UTP18: variants seen among roughly 807,000 people sequenced by gnomAD.
The protein encoded by UTP18 is U3 small nucleolar RNA-associated protein 18 homolog.
Under a neutral mutation model 61.1 loss-of-function variants are expected in UTP18, and 36 were observed. That is an observed-to-expected ratio of 0.59 (90% CI 0.45 to 0.78). The LOEUF is 0.78. Among genes scored for constraint, UTP18 ranks in the 30% least tolerant of loss-of-function variants. The probability of loss-of-function intolerance (pLI) is 0.00; values close to 1 mark genes in which losing one functional copy is unlikely to be tolerated. For missense variants in UTP18, 753 were observed against 693.9 expected (o/e 1.09, Z -0.96); for synonymous variants, 282 against 251.1 (o/e 1.12, Z -1.16).
Position 51,266,261 on chromosome 17 carries a change from A to G in UTP18, c.535A>G (p.Lys179Glu). ...SESKLSKDNL[K>E]KRLKEEFQHA... Reference sequence around the variant, plus strand: ...AAGTAAACTTTCGAAAGACAACCTTAAAAAGAGACTTAAAGAAGAGTAAGT... The same window carrying G: ...AAGTAAACTTTCGAAAGACAACCTTGAAAAGAGACTTAAAGAAGAGTAAGT... The change falls in exon 3 of 14, where the codon AAA becomes GAA. Residue 179 changes from lysine (K) to glutamate (E), a missense_variant. By Grantham distance (56) the Lys-to-Glu change is moderately conservative. Transcript: ENST00000225298. 1 of 1,599,444 alleles carries G rather than the reference A, an allele frequency of 6.3e-7. No homozygotes were observed. Among genetic ancestry groups the G allele is most frequent in the African/African-American group, 1.3e-5 (1 of 74,150 alleles).
chr17:51,285,932 T>C (rs2144434863), intron 10 of UTP18, among the ~76,000 whole-genome samples: 1 of 152,338 alleles, frequency 6.6e-6, no homozygotes, highest in Middle Eastern at 3.4e-3. Flanking sequence ...CTTATATCAT[T>C]GTATTTTTTC....
intron 6 of UTP18, 121 bp downstream of exon 6, chr17:51,276,112 G>A (rs1035647888): frequency 2.0e-6 from 2 of 1,012,816 alleles, no homozygotes; most frequent in East Asian, 3.0e-5. Flanking sequence ...ATCATAGCCC[G>A]AAGCATAGCT....
chr17:51,286,982 C>CT (rs1555556362), intron 10 of UTP18, among the ~76,000 whole-genome samples: 1 of 145,184 alleles, frequency 6.9e-6, no homozygotes, highest in Non-Finnish European at 1.5e-5. Flanking sequence ...CCCCCTTCCC[C>CT]CCCCGACCCA....
chr17:51,271,909 C>T (rs910329284), intron 4 of UTP18, among the ~76,000 whole-genome samples: 2 of 152,056 alleles, frequency 1.3e-5, no homozygotes, highest in African/African-American at 4.8e-5. Context: ...CTCAAGTGAT[C>T]CACTTGCCTC....
intron 5 of UTP18, among the ~76,000 whole-genome samples, chr17:51,274,280 A>G (rs1367612470): frequency 2.0e-5 from 3 of 152,194 alleles, no homozygotes; most frequent in African/African-American, 7.2e-5. Flanking sequence ...GGTCTACACT[A>G]TTCACTTTCT....
At chr17:51,269,406 G>A (rs1904434890) in intron 4 of UTP18, among the ~76,000 whole-genome samples, 1 of 149,618 alleles carries the variant, frequency 6.7e-6, no homozygotes, top group African/African-American at 2.5e-5. Flanking sequence ...GATCTTTTGA[G>A]TTTAGCTATT....
chr17:51,296,734 G>GA, intron 12 of UTP18: 1 of 459,242 alleles, frequency 2.2e-6, no homozygotes, highest in Non-Finnish European at 3.8e-6. Flanking sequence ...GTATTTCATA[G>GA]ACCCCCCATG....
chr17:51,260,955 G>C, intron 1 of UTP18, 29 bp downstream of exon 1: 7 of 1,467,986 alleles, frequency 4.8e-6, no homozygotes. Context: ...CGCGGGCTGG[G>C]CGCACTCGGG....
chr17:51,289,797 A>G (rs534198213), intron 11 of UTP18, among the ~76,000 whole-genome samples: 26 of 152,360 alleles, frequency 1.7e-4, no homozygotes, highest in Non-Finnish European at 2.9e-4. Flanking sequence ...TGCATCTGCC[A>G]TCAGCTTTGT....
At chr17:51,287,099 A>T (rs560686788) in intron 10 of UTP18, among the ~76,000 whole-genome samples, 2 of 151,046 alleles carry the variant, frequency 1.3e-5, no homozygotes, top group African/African-American at 4.8e-5. Context: ...AATGATCTTC[A>T]CTCAGATTTG....
In UTP18 at chr17:51,260,763, C is replaced by T; in HGVS notation, c.179C>T (p.Ala60Val). ...PPARPSAAAA[A>V]IAVAAAEEER... ...GCCCGGCCGAGCGCGGCGGCCGCTG[C>T]GATTGCAGTCGCGGCGGCGGAGGAA... Residue 60 changes from alanine to valine, a missense_variant, in exon 1 of 14, where the codon GCG becomes GTG. By Grantham distance (64) the Ala-to-Val change is moderately conservative. Coordinates refer to ENST00000225298, the MANE Select transcript of UTP18 (RefSeq NM_016001.3). The T allele has an allele frequency of 6.3e-7, 1 of 1,580,940 alleles. No homozygotes were observed. Among genetic ancestry groups the T allele is most frequent in the Non-Finnish European group, 8.6e-7 (1 of 1,164,594 alleles).
At chr17:51,288,283 G>C (rs534011573) in intron 11 of UTP18, 80 bp downstream of exon 11, 7 of 1,334,522 alleles carry the variant, frequency 5.2e-6, no homozygotes, top group East Asian at 2.5e-5. Flanking sequence ...GGAAAGGAGA[G>C]CGTTGAATTA....
At chr17:51,266,724 AAG>A (rs1402361324) in intron 3 of UTP18, among the ~76,000 whole-genome samples, 1 of 152,210 alleles carries the variant, frequency 6.6e-6, no homozygotes. Context: ...TGCATCTCTT[AAG>A]ATTAAGGATG....
chr17:51,283,772 G>A (rs1905026890), intron 9 of UTP18, among the ~76,000 whole-genome samples: 2 of 151,916 alleles, frequency 1.3e-5, no homozygotes, highest in South Asian at 2.1e-4. Context: ...GTGCCACCAC[G>A]CCCAGCTAAT....
intron 1 of UTP18, 101 bp downstream of exon 1, chr17:51,261,027 G>A: frequency 8.8e-7 from 1 of 1,133,624 alleles, no homozygotes; most frequent in East Asian, 3.4e-5. Context: ...GCGGCGGCGG[G>A]GAGCGCTCAG....
At chr17:51,274,216 C>G (rs980323948) in intron 5 of UTP18, among the ~76,000 whole-genome samples, 2 of 152,158 alleles carry the variant, frequency 1.3e-5, no homozygotes, top group Admixed American at 6.5e-5. Context: ...TAATGGCTAG[C>G]TCATTCTTAC....
At chr17:51,281,703 T>TA (rs1196385059) in intron 9 of UTP18, among the ~76,000 whole-genome samples, 2 of 152,284 alleles carry the variant, frequency 1.3e-5, no homozygotes, top group East Asian at 3.9e-4. Context: ...GTCCTGTAGT[T>TA]ATGCAAAATG....
At position 51,288,149 on chromosome 17, in the gene UTP18, T is replaced by A. The variant is rs546735933; in HGVS notation, c.1449T>A (p.Pro483=). Residue 483 remains proline (P), a synonymous_variant, in exon 11 of 14, where the codon CCT becomes CCA. Transcript: ENST00000225298. The stretch of plus-strand genomic sequence containing the variant: ...GTGTTACTTCTCTGACCTTCAATCC[T>A]ACTACAGAAATCTTGGCAATTGCTT... The part of the protein sequence containing the change: ...VTGVTSLTFN[P]TTEILAIASE... 6.2e-7 allele frequency: 1 copy of A among 1,606,710 alleles called. No individual in the cohort carries two copies.
chr17:51,281,164 A>ATATATTT lies in UTP18; in HGVS notation c.1204+686_1204+687insATATTTT, dbSNP rs59857038. 9.5e-3 allele frequency among the ~76,000 whole-genome samples: 1,340 copies of ATATATTT among 140,372 alleles called. 15 individuals carry two copies. Among genetic ancestry groups the ATATATTT allele is most frequent in the African/African-American group, 0.033 (1,222 of 37,320 alleles). 92.1% of individuals were successfully genotyped at this position (140,372 alleles called of 152,430 possible). ...AAAATATATATATATATATATATAT[A>ATATATTT]TTTTTTTTAAACGAAAAGTTGTGTT... On this transcript the variant is annotated intron_variant, in intron 9 of 13. Coordinates refer to ENST00000225298, the MANE Select transcript of UTP18 (RefSeq NM_016001.3).
Sources: allele counts gnomAD v4.1 joint callset (sites outside exome capture counted in the v4.1 genomes callset), GRCh38; gene constraint gnomAD v4.1.1; transcripts MANE v1.5; gene names NCBI Gene and HGNC (gene_info 2026-07-23, HGNC 2026-07-21).